SGCZ: variants seen among roughly 807,000 people sequenced by gnomAD.
SGCZ encodes the protein zeta-sarcoglycan.
Under a neutral mutation model 41.3 loss-of-function variants are expected in SGCZ, and 40 were observed. The ratio of observed to expected loss-of-function variants is 0.97; its 90% CI spans 0.75 to 1.26. The LOEUF (loss-of-function observed/expected upper bound fraction) is 1.26. Among genes scored for constraint, SGCZ ranks in the 50% most tolerant of loss-of-function variants. The probability of loss-of-function intolerance (pLI) is 0.00; values close to 1 mark genes in which losing one functional copy is unlikely to be tolerated. For missense variants in SGCZ, 552 were observed against 369.8 expected (o/e 1.49, Z -4.04); for synonymous variants, 206 against 137.5 (o/e 1.50, Z -3.49).
chr8:14,330,234 T>C (rs1173081175), intron 2 of SGCZ, among the ~76,000 whole-genome samples: 2 of 152,124 alleles, frequency 1.3e-5, no homozygotes, highest in Non-Finnish European at 2.9e-5. Context: ...TCATGTTCAT[T>C]TCTTCATCTT....
chr8:15,238,024 G>T lies in SGCZ; in HGVS notation c.-401C>A. On this transcript the variant is annotated 5_prime_UTR_variant, in exon 1 of 8. Coordinates refer to ENST00000382080, the MANE Select transcript of SGCZ (RefSeq NM_139167.4). ...GCTGCTTCCCTGGTCAGCATCATGCGGCAAATTTCAAGCAAATGTGTTCAA... is the reference window on the plus strand; with the variant it reads ...GCTGCTTCCCTGGTCAGCATCATGCTGCAAATTTCAAGCAAATGTGTTCAA... 6.0e-6 allele frequency: 1 copy of T among 167,212 alleles called. No homozygotes were observed. Among genetic ancestry groups the T allele is most frequent in the Non-Finnish European group, 1.3e-5 (1 of 77,270 alleles). The allele number at this position is 167,212 out of a possible 1,614,324, so 10.4% of individuals were successfully genotyped here.
At position 14,137,833 on chromosome 8, in the gene SGCZ, C is replaced by T. The variant is rs370616533; in HGVS notation, c.547+26747G>A. 6.6e-5 allele frequency among the ~76,000 whole-genome samples: 10 copies of T among 152,210 alleles called. No individual in the cohort carries two copies. The East Asian group carries it at 1.7e-3, about 27-fold the overall frequency. On this transcript the variant is annotated intron_variant, in intron 5 of 7. Coordinates refer to ENST00000382080, the MANE Select transcript of SGCZ (RefSeq NM_139167.4). ...GAAATTCAGGAAATACAGAGAACGC[C>T]ACAAAGATACTCCTCAAGAAGAGCA... is the stretch of plus-strand genomic sequence containing the variant.
intron 1 of SGCZ, among the ~76,000 whole-genome samples, chr8:15,172,154 GTTTTTTTT>G (rs1183210302): frequency 7.0e-5 from 5 of 71,776 alleles, no homozygotes; most frequent in African/African-American, 2.6e-4. Flanking sequence ...TTTATACTCT[GTTTTTTTT>G]TTTTTTTTTT....
At position 14,342,429 on chromosome 8, in the gene SGCZ, G is replaced by A. The variant is rs929214876; in HGVS notation, c.235-18225C>T. ...CCTCCCGGGTTCATGCCATTCTCCT[G>A]CCTCAGCCTCCCAGTAGCTGGGACT... On this transcript the variant is annotated intron_variant, in intron 2 of 7. Coordinates refer to ENST00000382080, the MANE Select transcript of SGCZ (RefSeq NM_139167.4). Among the ~76,000 whole-genome samples, 7 of 152,132 alleles carry A rather than the reference G, an allele frequency of 4.6e-5. No individual in the cohort carries two copies. In the East Asian group the frequency reaches 1.2e-3, roughly 25 times the overall value.
chr8:14,652,519 T>A (rs1286494039), intron 1 of SGCZ, among the ~76,000 whole-genome samples: 2 of 152,038 alleles, frequency 1.3e-5, no homozygotes, highest in African/African-American at 2.4e-5. Context: ...GAGTAAATTC[T>A]ATGTATGCAG....
At position 14,102,428 on chromosome 8, in the gene SGCZ, TCTC is replaced by T. The variant is rs1802059655; in HGVS notation, c.689_691del (p.Gly230del). The stretch of plus-strand genomic sequence containing the variant: ...CTCCTTCCTGCAGGTGGCCTTGAAG[TCTC>T]CTGCAGCAGCACTCACCTGGACCCC... On this transcript the variant is annotated inframe_deletion, in exon 7 of 8. Transcript: ENST00000382080. 1 of 1,532,292 alleles carries T rather than the reference TCTC, an allele frequency of 6.5e-7. No homozygotes were observed. The highest frequency in any genetic ancestry group is 1.3e-5 in the South Asian group (1 of 79,586). 94.9% of individuals were successfully genotyped at this position (1,532,292 alleles called of 1,614,324 possible). A position where few individuals can be genotyped will look rare whatever the true frequency, so the allele number is the denominator to read the frequency against.
At chr8:14,870,144 G>T (rs187621712) in intron 1 of SGCZ, among the ~76,000 whole-genome samples, 1 of 151,974 alleles carries the variant, frequency 6.6e-6, no homozygotes, top group African/African-American at 2.4e-5. Context: ...AAAAAAGCTG[G>T]AGGCATCACA....
intron 3 of SGCZ, among the ~76,000 whole-genome samples, chr8:14,261,069 C>T (rs1398692091): frequency 1.3e-5 from 2 of 151,620 alleles, no homozygotes; most frequent in Non-Finnish European, 2.9e-5. Context: ...GCCCAATGTG[C>T]ACATGTACCC....
chr8:15,139,229 T>A (rs181774257), intron 1 of SGCZ, among the ~76,000 whole-genome samples: 15 of 152,314 alleles, frequency 9.8e-5, no homozygotes, highest in Admixed American at 2.6e-4. Context: ...ATAGTTCATA[T>A]CCTCAGTGCT....
intron 3 of SGCZ, among the ~76,000 whole-genome samples, chr8:14,260,579 C>T (rs1799624350): frequency 6.7e-6 from 1 of 148,458 alleles, no homozygotes; most frequent in Non-Finnish European, 1.5e-5. Context: ...CCATTTGACC[C>T]AGCCATCCCA....
At chr8:14,857,598 T>C (rs1304640853) in intron 1 of SGCZ, among the ~76,000 whole-genome samples, 1 of 152,186 alleles carries the variant, frequency 6.6e-6, no homozygotes, top group Non-Finnish European at 1.5e-5. Context: ...GTGCAGTGGC[T>C]CATGCCCGTA....
intron 5 of SGCZ, among the ~76,000 whole-genome samples, chr8:14,123,708 A>G (rs1802767996): frequency 6.6e-6 from 1 of 152,206 alleles, no homozygotes; most frequent in African/African-American, 2.4e-5. Flanking sequence ...ATCAATTATC[A>G]ATCAATTAGA....
chr8:14,836,911 T>G (rs1196320098), intron 1 of SGCZ, among the ~76,000 whole-genome samples: 1 of 152,222 alleles, frequency 6.6e-6, no homozygotes, highest in Non-Finnish European at 1.5e-5. Flanking sequence ...GAATGTCATC[T>G]TGTATTAACC....
intron 1 of SGCZ, among the ~76,000 whole-genome samples, chr8:14,593,582 A>C (rs181093691): frequency 1.5e-4 from 23 of 152,340 alleles, no homozygotes; most frequent in Admixed American, 1.5e-3. Context: ...TTTGGAAAGG[A>C]TGGCGACAGT....
At chr8:15,102,182 C>G (rs1806640668) in intron 1 of SGCZ, among the ~76,000 whole-genome samples, 1 of 152,154 alleles carries the variant, frequency 6.6e-6, no homozygotes, top group Admixed American at 6.5e-5. Flanking sequence ...TAGGTGCATA[C>G]AAACTGTGGT....
chr8:14,836,698 A>G (rs750561088), intron 1 of SGCZ, among the ~76,000 whole-genome samples: 5 of 152,098 alleles, frequency 3.3e-5, no homozygotes, highest in Non-Finnish European at 7.4e-5. Context: ...ACACGGTTTT[A>G]CCGTGTTGGC....
intron 1 of SGCZ, among the ~76,000 whole-genome samples, chr8:15,151,253 G>A (rs1213368909): frequency 2.0e-5 from 3 of 152,140 alleles, no homozygotes; most frequent in African/African-American, 7.2e-5. Context: ...CCAGCCAATA[G>A]TTTTACTCCA....
chr8:14,594,049 C>T (rs1805325952), intron 1 of SGCZ, among the ~76,000 whole-genome samples: 1 of 151,886 alleles, frequency 6.6e-6, no homozygotes. Context: ...GTGGCACACG[C>T]CTGTGGACCC....
chr8:14,748,640 G>C (rs1799409186), intron 1 of SGCZ, among the ~76,000 whole-genome samples: 1 of 152,094 alleles, frequency 6.6e-6, no homozygotes, highest in Non-Finnish European at 1.5e-5. Context: ...AAGCTAAAAG[G>C]GAGCAAGAGA....
Sources: allele counts gnomAD v4.1 joint callset (sites outside exome capture counted in the v4.1 genomes callset), GRCh38; gene constraint gnomAD v4.1.1; transcripts MANE v1.5; gene names NCBI Gene and HGNC (gene_info 2026-07-23, HGNC 2026-07-21).